Variants in RALGPS1 observed in about 807,000 individuals in gnomAD.
RALGPS1 encodes the protein Ral GEF with PH domain and SH3 binding motif 1.
Under a neutral mutation model 78.8 loss-of-function variants are expected in RALGPS1, and 19 were observed. The observed-to-expected ratio is 0.24, with a 90% confidence interval of 0.17 to 0.35. The LOEUF (loss-of-function observed/expected upper bound fraction) is 0.35. Among genes scored for constraint, RALGPS1 ranks in the 10% least tolerant of loss-of-function variants. RALGPS1 has a pLI of 1.00. For synonymous variants in RALGPS1, 228 were observed against 256.3 expected, an observed-to-expected ratio of 0.89 and a Z score of 1.06; for missense variants, 454 against 688.3, an observed-to-expected ratio of 0.66 and a Z score of 3.81.
intron 18 of RALGPS1, 99 bp downstream of exon 18, chr9:127,214,941 C>T (rs530746352): frequency 1.3e-6 from 2 of 1,559,876 alleles, no homozygotes; most frequent in South Asian, 2.4e-5. Flanking sequence ...CTTTCAGAGC[C>T]CATTAGCCAC....
chr9:127,074,090 C>G (rs901360018), intron 8 of RALGPS1, among the ~76,000 whole-genome samples: 1 of 152,114 alleles, frequency 6.6e-6, no homozygotes, highest in Non-Finnish European at 1.5e-5. Context: ...CCATGTTGGC[C>G]AGGCTGGTCT....
At chr9:127,017,301 G>C (rs983080080) in intron 4 of RALGPS1, among the ~76,000 whole-genome samples, 25 of 152,328 alleles carry the variant, frequency 1.6e-4, no homozygotes, top group African/African-American at 5.8e-4. Flanking sequence ...TACAGCGTGA[G>C]TACACTGAGT....
intron 8 of RALGPS1, chr9:127,107,882 A>G (rs777422979): frequency 6.6e-7 from 1 of 1,509,062 alleles, no homozygotes; most frequent in Non-Finnish European, 8.9e-7. Flanking sequence ...TGGCTCTGAG[A>G]CCCACATGTA....
chr9:126,946,461 G>A (rs749757831), intron 1 of RALGPS1, among the ~76,000 whole-genome samples: 10 of 150,734 alleles, frequency 6.6e-5, no homozygotes, highest in Admixed American at 1.3e-4. Flanking sequence ...TTGAACCTGG[G>A]AGACGGAGGT....
At chr9:126,925,886 G>T (rs552288267) in intron 1 of RALGPS1, among the ~76,000 whole-genome samples, 1 of 152,172 alleles carries the variant, frequency 6.6e-6, no homozygotes, top group African/African-American at 2.4e-5. Flanking sequence ...AGTTGCATCT[G>T]CCATCATCCT....
At chr9:127,012,557 A>G (rs1166287764) in intron 4 of RALGPS1, among the ~76,000 whole-genome samples, 1 of 152,046 alleles carries the variant, frequency 6.6e-6, no homozygotes, top group Non-Finnish European at 1.5e-5. Context: ...GACTGTGGAA[A>G]CCCCTAAGCT....
intron 1 of RALGPS1, among the ~76,000 whole-genome samples, chr9:126,949,160 G>T (rs986132167): frequency 6.6e-6 from 1 of 152,138 alleles, no homozygotes; most frequent in Non-Finnish European, 1.5e-5. Flanking sequence ...TTTTATGACT[G>T]CATAGTATTC....
intron 18 of RALGPS1, chr9:127,217,045 G>T: frequency 6.8e-7 from 1 of 1,470,052 alleles, no homozygotes; most frequent in South Asian, 1.4e-5. Context: ...AACAGTGGTA[G>T]CCCTGAGTAA....
At chr9:126,944,401 C>T (rs1356309382) in intron 1 of RALGPS1, among the ~76,000 whole-genome samples, 1 of 151,430 alleles carries the variant, frequency 6.6e-6, no homozygotes, top group South Asian at 2.1e-4. Context: ...AGACCCCCTG[C>T]TCCCTACACG....
chr9:127,121,708 G>A (rs930381594), intron 8 of RALGPS1, among the ~76,000 whole-genome samples: 11 of 152,230 alleles, frequency 7.2e-5, no homozygotes, highest in Non-Finnish European at 2.9e-5. Flanking sequence ...TTGGAGACCC[G>A]GGGTACCATC....
At chr9:127,197,367 G>A (rs1248955219) in intron 13 of RALGPS1, among the ~76,000 whole-genome samples, 2 of 152,152 alleles carry the variant, frequency 1.3e-5, no homozygotes, top group Non-Finnish European at 2.9e-5. Context: ...GTGTGCCTGT[G>A]CCTCTGTGGT....
chr9:127,007,227 T>A (rs2043916343), intron 4 of RALGPS1, among the ~76,000 whole-genome samples: 1 of 152,254 alleles, frequency 6.6e-6, no homozygotes. Flanking sequence ...CTTAAAGAGT[T>A]AAAGCTCTAT....
chr9:127,009,118 T>C (rs2044121483), intron 4 of RALGPS1, among the ~76,000 whole-genome samples: 1 of 152,228 alleles, frequency 6.6e-6, no homozygotes, highest in Non-Finnish European at 1.5e-5. Context: ...GAATCTGTCT[T>C]ATAGAACATT....
In RALGPS1 at chr9:126,997,478, C is replaced by T. The variant is rs538233275; in HGVS notation, c.216+19733C>T. ...AACTTACAAGGGATGTGAAGGACCTCTTCAAGGAGAACTACAAACCACTGC... is the reference window on the plus strand; with the variant it reads ...AACTTACAAGGGATGTGAAGGACCTTTTCAAGGAGAACTACAAACCACTGC... On this transcript the variant is annotated intron_variant, in intron 4 of 18. Transcript: ENST00000259351. 1.3e-4 allele frequency among the ~76,000 whole-genome samples: 20 copies of T among 152,280 alleles called. No individual in the cohort carries two copies. The South Asian group carries it at 4.1e-3, about 32-fold the overall frequency.
intron 1 of RALGPS1, among the ~76,000 whole-genome samples, chr9:126,942,721 A>C (rs2036900601): frequency 6.6e-6 from 1 of 152,214 alleles, no homozygotes; most frequent in African/African-American, 2.4e-5. Context: ...TGAGTTCCAA[A>C]ATGAATCCCC....
chr9:126,998,040 A>C (rs2042936258), intron 4 of RALGPS1, among the ~76,000 whole-genome samples: 1 of 152,182 alleles, frequency 6.6e-6, no homozygotes, highest in Non-Finnish European at 1.5e-5. Context: ...TAAAGACTTA[A>C]ATGTTAGACC....
intron 4 of RALGPS1, among the ~76,000 whole-genome samples, chr9:126,987,670 C>T (rs1273374624): frequency 2.6e-5 from 4 of 152,142 alleles, no homozygotes; most frequent in Admixed American, 1.3e-4. Flanking sequence ...CCTAAGTGCT[C>T]GTGTTTTTTC....
intron 4 of RALGPS1, among the ~76,000 whole-genome samples, chr9:127,000,337 A>T (rs527351589): frequency 5.5e-4 from 84 of 152,016 alleles, no homozygotes; most frequent in African/African-American, 2.0e-3. Context: ...AATGCTATAA[A>T]TTTTCTTCTA....
chr9:126,975,934 C>G (rs938538900), intron 3 of RALGPS1, among the ~76,000 whole-genome samples: 1 of 152,218 alleles, frequency 6.6e-6, no homozygotes, highest in African/African-American at 2.4e-5. Context: ...ATGAAGAACA[C>G]TAGCTCCGCT....
Sources: gnomAD v4.1 joint callset for allele counts (sites outside exome capture counted in the v4.1 genomes callset) on GRCh38, gnomAD v4.1.1 for gene constraint, MANE v1.5 for transcripts, NCBI Gene and HGNC (gene_info 2026-07-23, HGNC 2026-07-21) for gene names.